STAG1: variants seen among roughly 807,000 people sequenced by gnomAD.
STAG1 encodes the protein STAG1 cohesin complex component.
In STAG1, 26 loss-of-function variants were observed where a neutral mutation model predicts 170.9. The observed-to-expected ratio is 0.15, with a 90% CI of 0.11 to 0.21. STAG1 has a LOEUF of 0.21. STAG1 is among the 10% of genes least tolerant of loss of function. The pLI is 1.00. For synonymous variants in STAG1, 514 were observed against 497.7 expected, an observed-to-expected ratio of 1.03 and a Z score of -0.44; for missense variants, 964 against 1,509.5, an observed-to-expected ratio of 0.64 and a Z score of 5.99.
chr3:136,748,634 T>G lies in STAG1; in HGVS notation c.-84+3561A>C, dbSNP rs1020224829. On this transcript the variant is annotated intron_variant, in intron 1 of 33. Transcript: ENST00000383202. ...CCAAGCTGGTCTGAAACTCCTGACCTCAGGTGATCCACCCACCTCGGCCTC... is the reference window on the plus strand; with the variant it reads ...CCAAGCTGGTCTGAAACTCCTGACCGCAGGTGATCCACCCACCTCGGCCTC... 2.6e-5 allele frequency among the ~76,000 whole-genome samples: 4 copies of G among 152,188 alleles called. No individual in the cohort carries two copies. In the East Asian group the frequency reaches 7.7e-4, roughly 29 times the overall value.
In STAG1 at chr3:136,618,824, GA is replaced by G. The variant is rs374629204; in HGVS notation, c.132+4321del. ...TCATAACTGTACTGTGGTTATGTAA[GA>G]AAAAATGTCCTTGACTGCAAAGAAA... On this transcript the variant is annotated intron_variant, in intron 3 of 33. Transcript: ENST00000383202. Among the ~76,000 whole-genome samples the G allele has an allele frequency of 6.6e-5, 10 of 151,994 alleles. No individual in the cohort carries two copies. In the East Asian group the frequency reaches 1.7e-3, roughly 26 times the overall value.
At chr3:136,465,096 G>A (rs936397349) in intron 12 of STAG1, 108 bp from the exon 13 acceptor site, 3 of 658,170 alleles carry the variant, frequency 4.6e-6, no homozygotes, top group African/African-American at 3.7e-5. Context: ...CTTAATAATT[G>A]TTGTCTCATC....
intron 5 of STAG1, among the ~76,000 whole-genome samples, chr3:136,553,852 G>C (rs1936506651): frequency 6.6e-6 from 1 of 152,036 alleles, no homozygotes; most frequent in Admixed American, 6.6e-5. Flanking sequence ...AGAAAGAAGA[G>C]AAAAAGAAAA....
chr3:136,738,328 T>C (rs1465289754), intron 1 of STAG1, among the ~76,000 whole-genome samples: 1 of 152,022 alleles, frequency 6.6e-6, no homozygotes, highest in Non-Finnish European at 1.5e-5. Context: ...CCATCTCTAC[T>C]AAAAATACAA....
chr3:136,426,176 G>C (rs919152280), intron 16 of STAG1, among the ~76,000 whole-genome samples: 2 of 151,884 alleles, frequency 1.3e-5, no homozygotes, highest in Non-Finnish European at 2.9e-5. Flanking sequence ...GGGAGGCCGA[G>C]GCGGGCAGAT....
intron 14 of STAG1, 86 bp downstream of exon 14, chr3:136,451,941 GTTTTTA>G: frequency 1.2e-6 from 1 of 811,462 alleles, no homozygotes; most frequent in Non-Finnish European, 1.9e-6. Context: ...AAACAGACTT[GTTTTTA>G]TTTGATTGAA....
chr3:136,664,447 A>C (rs1941685161), intron 1 of STAG1, among the ~76,000 whole-genome samples: 1 of 152,136 alleles, frequency 6.6e-6, no homozygotes, highest in South Asian at 2.1e-4. Flanking sequence ...CCACTCCCAA[A>C]ATAAGGCATG....
chr3:136,453,801 T>C (rs2107779727), intron 13 of STAG1, among the ~76,000 whole-genome samples: 1 of 149,100 alleles, frequency 6.7e-6, no homozygotes, highest in Middle Eastern at 3.6e-3. Flanking sequence ...AGTTTATACA[T>C]AAAAGTCAGA....
At chr3:136,366,894 T>C (rs548327296) in intron 25 of STAG1, 49 bp downstream of exon 25, 3 of 1,483,142 alleles carry the variant, frequency 2.0e-6, no homozygotes, top group South Asian at 2.7e-5. Flanking sequence ...CAATTGCTAA[T>C]TTCTCTGCCA....
At chr3:136,442,760 C>G (rs1320561812) in intron 15 of STAG1, among the ~76,000 whole-genome samples, 1 of 151,950 alleles carries the variant, frequency 6.6e-6, no homozygotes, top group African/African-American at 2.4e-5. Flanking sequence ...AACCTTTTGG[C>G]CAGGTGCAGT....
Position 136,443,274 on chromosome 3 carries a change from C to CA in STAG1, c.1546+12dup. The CA allele has an allele frequency of 6.4e-7, 1 of 1,570,790 alleles. No individual in the cohort carries two copies. Among genetic ancestry groups the CA allele is most frequent in the Non-Finnish European group, 8.7e-7 (1 of 1,144,686 alleles). ...TACAAAATCATGTAAATTAACTTGT[C>CA]AAAATACTATACCTTCCTCTCCTTG... On this transcript the variant is annotated intron_variant, in intron 15 of 33. Transcript: ENST00000383202.
At chr3:136,412,043 C>G (rs2087639051) in intron 21 of STAG1, among the ~76,000 whole-genome samples, 1 of 144,790 alleles carries the variant, frequency 6.9e-6, no homozygotes, top group Non-Finnish European at 1.5e-5. Context: ...AACAAACAAA[C>G]AAAATCTAAC....
intron 21 of STAG1, among the ~76,000 whole-genome samples, chr3:136,413,462 T>A (rs1425381041): frequency 6.6e-6 from 1 of 151,764 alleles, no homozygotes; most frequent in African/African-American, 2.4e-5. Flanking sequence ...ATATTATTAT[T>A]ATTATTTTTT....
chr3:136,491,194 T>G (rs1467374891), intron 9 of STAG1, among the ~76,000 whole-genome samples: 1 of 152,148 alleles, frequency 6.6e-6, no homozygotes. Flanking sequence ...CATAGTTCAC[T>G]GCACCCTGGA....
At position 136,630,941 on chromosome 3, in the gene STAG1, C is replaced by T; in HGVS notation, c.-43G>A. 6.6e-7 allele frequency: 1 copy of T among 1,520,648 alleles called. No homozygotes were observed. Among genetic ancestry groups the T allele is most frequent in the South Asian group, 1.3e-5 (1 of 76,796 alleles). 94.2% of individuals were successfully genotyped at this position (1,520,648 alleles called of 1,614,324 possible). Reference sequence around the variant, plus strand: ...CACAATGCAGCAAAATAATCAAGTGCTGTACAACTCAAAACTTTTAAAATA... The same window carrying T: ...CACAATGCAGCAAAATAATCAAGTGTTGTACAACTCAAAACTTTTAAAATA... On this transcript the variant is annotated 5_prime_UTR_variant, in exon 2 of 34. Transcript: ENST00000383202.
intron 1 of STAG1, among the ~76,000 whole-genome samples, chr3:136,644,535 T>C (rs912506918): frequency 6.6e-6 from 1 of 152,160 alleles, no homozygotes; most frequent in Non-Finnish European, 1.5e-5. Context: ...TTAGTAAGAA[T>C]GCAAAAACTG....
At chr3:136,604,277 C>T in intron 4 of STAG1, 32 bp downstream of exon 4, 1 of 1,592,998 alleles carries the variant, frequency 6.3e-7, no homozygotes. Flanking sequence ...AACTGTATTG[C>T]TTTATACGTG....
Position 136,687,183 on chromosome 3 carries a change from T to C in STAG1, c.-83-56202A>G, listed in dbSNP as rs184126719. 9.8e-5 allele frequency among the ~76,000 whole-genome samples: 15 copies of C among 152,370 alleles called. No homozygotes were observed. In the East Asian group the frequency reaches 1.9e-3, roughly 20 times the overall value. ...GACATTATGTTGTCCATGCATATGG[T>C]TGACTACTGAATCCCCCTCAAATGA... On this transcript the variant is annotated intron_variant, in intron 1 of 33. Coordinates refer to ENST00000383202, the MANE Select transcript of STAG1 (RefSeq NM_005862.3).
At chr3:136,589,628 C>CAAAAAAAAAAAAAA (rs71626007) in intron 4 of STAG1, among the ~76,000 whole-genome samples, 1 of 46,192 alleles carries the variant, frequency 2.2e-5, no homozygotes, top group Non-Finnish European at 4.8e-5. Flanking sequence ...CAAAGGGAGC[C>CAAAAAAAAAAAAAA]AAAAAAAAAA....
Sources: allele counts gnomAD v4.1 joint callset (sites outside exome capture counted in the v4.1 genomes callset), GRCh38; gene constraint gnomAD v4.1.1; transcripts MANE v1.5; gene names NCBI Gene and HGNC (gene_info 2026-07-23, HGNC 2026-07-21).